The following DNM2 variants were observed in gnomAD, a reference collection of about 807,000 sequenced individuals.
DNM2 encodes the protein dynamin-2.
In DNM2, 15 loss-of-function variants were observed where a neutral mutation model predicts 99.0. The observed-to-expected ratio is 0.15, with a 90% CI of 0.10 to 0.23. The LOEUF is 0.23. DNM2 is among the 10% of genes least tolerant of loss of function. The pLI is 1.00. For missense variants in DNM2, 742 were observed against 1,189.4 expected (o/e 0.62, Z 5.53); for synonymous variants, 525 against 481.2 (o/e 1.09, Z -1.19).
chr19:10,750,143 C>A (rs2070142297), intron 1 of DNM2, among the ~76,000 whole-genome samples: 1 of 152,042 alleles, frequency 6.6e-6, no homozygotes, highest in Non-Finnish European at 1.5e-5. Context: ...ACCCTGGGGC[C>A]TGGCCTGGGC....
intron 1 of DNM2, among the ~76,000 whole-genome samples, chr19:10,745,708 G>A (rs2069942152): frequency 6.6e-6 from 1 of 152,112 alleles, no homozygotes; most frequent in South Asian, 2.1e-4. Flanking sequence ...GAAAAAAGAG[G>A]TGCAAATAAA....
chr19:10,752,543 G>A (rs1348413390), intron 1 of DNM2, among the ~76,000 whole-genome samples: 2 of 152,216 alleles, frequency 1.3e-5, no homozygotes, highest in Non-Finnish European at 1.5e-5. Flanking sequence ...GTCCAAAGCC[G>A]GGCCCTGGCT....
At position 10,831,520 on chromosome 19, in the gene DNM2, G is replaced by A; in HGVS notation, c.*473G>A. On this transcript the variant is annotated 3_prime_UTR_variant, in exon 21 of 21. Transcript: ENST00000389253. This position sits in a 1 kb window ranked among gnomAD's most constrained non-coding sequence, Gnocchi z 4.3. ...CCCAGCGGCAAGCCTGGCCCAGTGG[G>A]CTCGGTAGTGCCCAGCTGGCAGGCC... 1 of 987,278 alleles carries A rather than the reference G, an allele frequency of 1.0e-6. No homozygotes were observed. Among genetic ancestry groups the A allele is most frequent in the Non-Finnish European group, 1.2e-6 (1 of 830,952 alleles). 61.2% of individuals were successfully genotyped at this position (987,278 alleles called of 1,614,324 possible). A position where few individuals can be genotyped will look rare whatever the true frequency, so the allele number is the denominator to read the frequency against.
intron 1 of DNM2, among the ~76,000 whole-genome samples, chr19:10,732,410 C>G (rs962834972): frequency 2.7e-5 from 4 of 150,430 alleles, no homozygotes; most frequent in Non-Finnish European, 3.0e-5. Flanking sequence ...ACCATCCTGA[C>G]TAACACGGTG....
At chr19:10,774,378 G>A (rs893429758) in intron 3 of DNM2, among the ~76,000 whole-genome samples, 5 of 152,172 alleles carry the variant, frequency 3.3e-5, no homozygotes, top group African/African-American at 4.8e-5. Context: ...TATATGTTGT[G>A]TATGTGTTTA....
chr19:10,748,786 A>G (rs879207496), intron 1 of DNM2, among the ~76,000 whole-genome samples: 1 of 151,914 alleles, frequency 6.6e-6, no homozygotes, highest in African/African-American at 2.4e-5. Context: ...GTGACTTTCA[A>G]CCCCTCTGGG....
chr19:10,751,767 G>A (rs925880717), intron 1 of DNM2, among the ~76,000 whole-genome samples: 9 of 152,258 alleles, frequency 5.9e-5, no homozygotes, highest in African/African-American at 2.2e-4. Context: ...TGAGAGCTGC[G>A]TCTCCGTCGC....
At position 10,775,890 on chromosome 19, in the gene DNM2, G is replaced by A. The variant is rs2071136034; in HGVS notation, c.573G>A (p.Lys191=). The A allele has an allele frequency of 6.2e-7, 1 of 1,612,602 alleles. No homozygotes were observed. The highest frequency in any genetic ancestry group is 1.7e-5 in the Admixed American group (1 of 60,026). The part of the protein sequence containing the change: ...LANSDALKLA[K]EVDPQGLRTI... Reference sequence around the variant, plus strand: ...ACTCCGACGCCCTCAAGCTGGCCAAGGAAGTCGATCCCCAAGGTAACCCTG... The same window carrying A: ...ACTCCGACGCCCTCAAGCTGGCCAAAGAAGTCGATCCCCAAGGTAACCCTG... Residue 191 remains lysine, a synonymous_variant, in exon 4 of 21, where the codon AAG becomes AAA. Coordinates refer to ENST00000389253, the MANE Select transcript of DNM2 (RefSeq NM_001005361.3). This position sits in a 1 kb window ranked among gnomAD's most constrained non-coding sequence, Gnocchi z 4.3.
In DNM2 at chr19:10,759,620, G is replaced by T. The variant is rs552700847; in HGVS notation, c.162-118G>T. 35 of 1,233,144 alleles carry T rather than the reference G, an allele frequency of 2.8e-5. No homozygotes were observed. In the African/African-American group the frequency reaches 4.6e-4, roughly 16 times the overall value. 76.4% of individuals were successfully genotyped at this position (1,233,144 alleles called of 1,614,324 possible). A position where few individuals can be genotyped will look rare whatever the true frequency, so the allele number is the denominator to read the frequency against. ...ATTCCCCAGGGCCCAGCTGGGGTTG[G>T]TGCCTTTGCTGAGGTCGCCCAAATT... On this transcript the variant is annotated intron_variant, in intron 1 of 20. Coordinates refer to ENST00000389253, the MANE Select transcript of DNM2 (RefSeq NM_001005361.3).
At chr19:10,781,131 A>G (rs574810473) in intron 5 of DNM2, among the ~76,000 whole-genome samples, 12 of 152,038 alleles carry the variant, frequency 7.9e-5, no homozygotes, top group African/African-American at 2.9e-4. Context: ...TCAAAGCTGT[A>G]GTAAGCTATG....
rs147257650 is a variant in DNM2 at position 10,727,059 on chromosome 19, G to T, written c.161+8656G>T. On this transcript the variant is annotated intron_variant, in intron 1 of 20. Coordinates refer to ENST00000389253, the MANE Select transcript of DNM2 (RefSeq NM_001005361.3). Reference sequence around the variant, plus strand: ...TGTTTAAAACGATTGTATTTGCTCAGTGAAAAGACCGGAAAGACATACTCT... The same window carrying T: ...TGTTTAAAACGATTGTATTTGCTCATTGAAAAGACCGGAAAGACATACTCT... Among the ~76,000 whole-genome samples, 829 of 152,286 alleles carry T rather than the reference G, an allele frequency of 5.4e-3. 5 individuals are homozygous for T. The highest frequency in any genetic ancestry group is 6.4e-3 in the Admixed American group (98 of 15,282).
chr19:10,769,849 G>A (rs1406530938), intron 2 of DNM2, among the ~76,000 whole-genome samples: 2 of 152,154 alleles, frequency 1.3e-5, no homozygotes, highest in South Asian at 2.1e-4. Flanking sequence ...CTCAGTCATC[G>A]GAGCCCACTG....
At chr19:10,777,042 C>G in intron 4 of DNM2, 76 bp from the exon 5 acceptor site, 4 of 1,466,428 alleles carry the variant, frequency 2.7e-6, no homozygotes, top group Non-Finnish European at 1.9e-6. Flanking sequence ...CAACTGGACC[C>G]CAGGTGGCTT....
intron 1 of DNM2, among the ~76,000 whole-genome samples, chr19:10,724,419 C>T (rs950366904): frequency 1.3e-5 from 2 of 152,092 alleles, no homozygotes; most frequent in South Asian, 2.1e-4. Context: ...CTTCGTGATC[C>T]GCCCGCCTCG....
chr19:10,828,221 G>A (rs948528166), intron 18 of DNM2, among the ~76,000 whole-genome samples: 24 of 151,908 alleles, frequency 1.6e-4, no homozygotes, highest in Admixed American at 1.6e-3. Context: ...CCCAGGAGAC[G>A]CAGGTTGCAG....
At chr19:10,761,277 G>A (rs567910574) in intron 2 of DNM2, among the ~76,000 whole-genome samples, 53 of 152,188 alleles carry the variant, frequency 3.5e-4, no homozygotes, top group African/African-American at 1.1e-3. Flanking sequence ...GTGAGCCACC[G>A]CGCCCGGCCA....
intron 13 of DNM2, among the ~76,000 whole-genome samples, chr19:10,806,242 G>A (rs2146081638): frequency 6.6e-6 from 1 of 152,286 alleles, no homozygotes; most frequent in South Asian, 2.1e-4. Context: ...ACTCTTGGCT[G>A]GGCACAGTAG....
At chr19:10,823,335 G>A (rs138160072) in intron 16 of DNM2, 1,558 of 151,986 alleles carry the variant, frequency 0.01, 22 homozygotes, top group African/African-American at 0.036. Context: ...AACCCGAAAG[G>A]TGGAGGTTGC....
intron 1 of DNM2, among the ~76,000 whole-genome samples, chr19:10,751,136 GGA>G (rs2070178886): frequency 6.6e-6 from 1 of 152,002 alleles, no homozygotes; most frequent in South Asian, 2.1e-4. Flanking sequence ...GGTGGAGGTG[GGA>G]GAGGTGTGAA....
Sources: allele counts gnomAD v4.1 joint callset (sites outside exome capture counted in the v4.1 genomes callset), GRCh38; gene constraint gnomAD v4.1.1; non-coding constraint Gnocchi (gnomAD v3.1); transcripts MANE v1.5; gene names NCBI Gene and HGNC (gene_info 2026-07-23, HGNC 2026-07-21).